CMIP: variants seen among roughly 807,000 people sequenced by gnomAD.
CMIP encodes c-Maf inducing protein, also known as C-Maf-inducing protein.
Under a neutral mutation model 97.3 loss-of-function variants are expected in CMIP, and 13 were observed. The observed-to-expected ratio is 0.13, with a 90% CI of 0.09 to 0.21. The LOEUF (loss-of-function observed/expected upper bound fraction) is 0.21. Ranked by LOEUF, CMIP falls within the 10% of genes least tolerant of loss-of-function variation. The pLI is 1.00. For missense variants in CMIP, 847 were observed against 1,024.9 expected (o/e 0.83, Z 2.37); for synonymous variants, 538 against 436.3 (o/e 1.23, Z -2.91).
At position 81,616,865 on chromosome 16, in the gene CMIP, A is replaced by G. The variant is rs1171458448; in HGVS notation, c.427-4011A>G. Reference sequence around the variant, plus strand: ...GACATCAAGTGCTGCTGTGAGAGGCAGGCTACGAGGACCCAGCTAAGACTG... The same window carrying G: ...GACATCAAGTGCTGCTGTGAGAGGCGGGCTACGAGGACCCAGCTAAGACTG... On this transcript the variant is annotated intron_variant, in intron 2 of 20. Coordinates refer to ENST00000537098, the MANE Select transcript of CMIP (RefSeq NM_198390.3). This position sits in a 1 kb window ranked among gnomAD's most constrained non-coding sequence, Gnocchi z 4.7. 6.6e-6 allele frequency among the ~76,000 whole-genome samples: 1 copy of G among 152,256 alleles called. No homozygotes were observed. The highest frequency in any genetic ancestry group is 1.5e-5 in the Non-Finnish European group (1 of 68,044).
chr16:81,448,801 T>A (rs1246929207), intron 1 of CMIP, among the ~76,000 whole-genome samples: 9 of 152,346 alleles, frequency 5.9e-5, no homozygotes, highest in Admixed American at 5.2e-4. Context: ...GCCCCCTCCC[T>A]TGGGGACCCA....
intron 1 of CMIP, among the ~76,000 whole-genome samples, chr16:81,536,508 A>G (rs1466146936): frequency 1.3e-5 from 2 of 152,212 alleles, no homozygotes; most frequent in Non-Finnish European, 2.9e-5. Context: ...TGTCCTAACC[A>G]TTTTTAAGTG....
At chr16:81,526,082 A>C (rs1278187555) in intron 1 of CMIP, among the ~76,000 whole-genome samples, 1 of 151,890 alleles carries the variant, frequency 6.6e-6, no homozygotes, top group Non-Finnish European at 1.5e-5. Flanking sequence ...TGGCTTTGAG[A>C]ATAGTGCTGC....
At chr16:81,583,898 C>T (rs2091338184) in intron 1 of CMIP, among the ~76,000 whole-genome samples, 1 of 151,986 alleles carries the variant, frequency 6.6e-6, no homozygotes, top group African/African-American at 2.4e-5. Flanking sequence ...ACTCTGGCGA[C>T]AGTGTTTTGG....
At chr16:81,671,914 CA>C in intron 8 of CMIP, 51 bp from the exon 9 acceptor site, 1 of 966,812 alleles carries the variant, frequency 1.0e-6, no homozygotes, top group Non-Finnish European at 1.6e-6. Flanking sequence ...TTACCCTGTC[CA>C]TGGGCCCCAC....
rs535005260 is a variant in CMIP at position 81,616,857 on chromosome 16, T to G, written c.427-4019T>G. Among the ~76,000 whole-genome samples, 18 of 152,302 alleles carry G rather than the reference T, an allele frequency of 1.2e-4. No homozygotes were observed. Among genetic ancestry groups the G allele is most frequent in the African/African-American group, 3.8e-4 (16 of 41,568 alleles). ...GGCCTTTAGACATCAAGTGCTGCTG[T>G]GAGAGGCAGGCTACGAGGACCCAGC... On this transcript the variant is annotated intron_variant, in intron 2 of 20. Transcript: ENST00000537098. The surrounding 1 kb of genome is among the most constrained non-coding windows in gnomAD (Gnocchi z 4.7).
intron 1 of CMIP, among the ~76,000 whole-genome samples, chr16:81,541,698 C>G (rs775047654): frequency 6.6e-6 from 1 of 152,020 alleles, no homozygotes; most frequent in Non-Finnish European, 1.5e-5. Context: ...ACAAAACAAC[C>G]GATGTTGTGG....
At chr16:81,482,412 T>C (rs2089240093) in intron 1 of CMIP, among the ~76,000 whole-genome samples, 1 of 152,072 alleles carries the variant, frequency 6.6e-6, no homozygotes, top group South Asian at 2.1e-4. Flanking sequence ...GAGTGGGTGC[T>C]TGGCTTTGGA....
At chr16:81,531,837 G>T (rs139226590) in intron 1 of CMIP, among the ~76,000 whole-genome samples, 1 of 152,346 alleles carries the variant, frequency 6.6e-6, no homozygotes, top group East Asian at 1.9e-4. Flanking sequence ...ATTCATTTCT[G>T]TTGCAAATTA....
chr16:81,510,847 G>A (rs996589694), intron 1 of CMIP, among the ~76,000 whole-genome samples: 1 of 152,158 alleles, frequency 6.6e-6, no homozygotes, highest in Non-Finnish European at 1.5e-5. Flanking sequence ...AGCCTCCTGA[G>A]TAGCTGGGAC....
intron 7 of CMIP, among the ~76,000 whole-genome samples, chr16:81,669,062 CCT>C (rs1287123595): frequency 1.5e-4 from 22 of 145,248 alleles, no homozygotes; most frequent in African/African-American, 3.9e-4. Flanking sequence ...TCCACACCCA[CCT>C]CTCACACTCA....
intron 1 of CMIP, among the ~76,000 whole-genome samples, chr16:81,512,990 G>C (rs1339819423): frequency 6.6e-6 from 1 of 152,216 alleles, no homozygotes; most frequent in Non-Finnish European, 1.5e-5. Context: ...GCCCTCCTCA[G>C]CGTCCCAAAG....
chr16:81,642,997 A>G (rs1377471192), intron 3 of CMIP, among the ~76,000 whole-genome samples: 1 of 152,200 alleles, frequency 6.6e-6, no homozygotes, highest in African/African-American at 2.4e-5. Flanking sequence ...AACCTTGAGG[A>G]CGGTATGCTA....
rs906463555 is a variant in CMIP at position 81,616,461 on chromosome 16, G to A, written c.427-4415G>A. The stretch of plus-strand genomic sequence containing the variant: ...GCGTTGAGGAGGAGAGGAGGTGTGT[G>A]TGAGCATTTCTCGTGGTGCCTGGTA... On this transcript the variant is annotated intron_variant, in intron 2 of 20. Coordinates refer to ENST00000537098, the MANE Select transcript of CMIP (RefSeq NM_198390.3). The surrounding 1 kb of genome is among the most constrained non-coding windows in gnomAD (Gnocchi z 4.7). 6.6e-6 allele frequency among the ~76,000 whole-genome samples: 1 copy of A among 152,230 alleles called. No homozygotes were observed. Among genetic ancestry groups the A allele is most frequent in the East Asian group, 1.9e-4 (1 of 5,194 alleles).
intron 2 of CMIP, chr16:81,618,901 G>A (rs1475453124): frequency 2.0e-5 from 3 of 152,204 alleles, no homozygotes; most frequent in Admixed American, 6.5e-5. Flanking sequence ...AGCTCTCCCC[G>A]AGCAGGGTGT....
At chr16:81,559,114 G>A (rs1467897803) in intron 1 of CMIP, among the ~76,000 whole-genome samples, 1 of 152,232 alleles carries the variant, frequency 6.6e-6, no homozygotes, top group Non-Finnish European at 1.5e-5. Flanking sequence ...CTTCCAGCTT[G>A]TTGGCCTCCA....
intron 1 of CMIP, among the ~76,000 whole-genome samples, chr16:81,549,645 A>G (rs186716748): frequency 2.6e-4 from 40 of 152,262 alleles, no homozygotes; most frequent in Non-Finnish European, 4.7e-4. Flanking sequence ...GTCTTTGGAA[A>G]TTGTACCATT....
In CMIP at chr16:81,693,516, C is replaced by T. The variant is rs116410677; in HGVS notation, c.1530+29C>T. On this transcript the variant is annotated intron_variant, in intron 13 of 20. Coordinates refer to ENST00000537098, the MANE Select transcript of CMIP (RefSeq NM_198390.3). ...AGGCCTTTGTTTCTGCATCTCAGGCCGGCTGTCTGGGGATGGCAGGATGCA... is the reference window on the plus strand; with the variant it reads ...AGGCCTTTGTTTCTGCATCTCAGGCTGGCTGTCTGGGGATGGCAGGATGCA... 187 of 1,603,078 alleles carry T rather than the reference C, an allele frequency of 1.2e-4. No individual in the cohort carries two copies. In the African/African-American group the frequency reaches 1.7e-3, roughly 15 times the overall value.
At position 81,612,037 on chromosome 16, in the gene CMIP, T is replaced by TTA. The variant is rs552614892; in HGVS notation, c.426+4347_426+4348dup. 8.5e-5 allele frequency among the ~76,000 whole-genome samples: 13 copies of TTA among 152,338 alleles called. No individual in the cohort carries two copies. In the South Asian group the frequency reaches 2.7e-3, roughly 32 times the overall value. ...ATCCCTCGTTGCAGAAAGGGCCTGT[T>TTA]TATCCCATTTCCTCCATTGATGCCC... On this transcript the variant is annotated intron_variant, in intron 2 of 20. Transcript: ENST00000537098.
Sources: gnomAD v4.1 joint callset for allele counts (sites outside exome capture counted in the v4.1 genomes callset) on GRCh38, gnomAD v4.1.1 for gene constraint, Gnocchi (gnomAD v3.1) non-coding constraint, MANE v1.5 for transcripts, NCBI Gene and HGNC (gene_info 2026-07-23, HGNC 2026-07-21) for gene names.